NSMCE2: variants seen among roughly 807,000 people sequenced by gnomAD.
NSMCE2 encodes the protein E3 SUMO-protein ligase NSE2.
In NSMCE2, 24 loss-of-function variants were observed where a neutral mutation model predicts 23.8. That is an observed-to-expected ratio of 1.01 (90% CI 0.73 to 1.42). NSMCE2 has a LOEUF of 1.42. Ranked by LOEUF, NSMCE2 falls within the 40% of genes most tolerant of loss-of-function variation. The pLI is 0.00. For synonymous variants in NSMCE2, 92 were observed against 94.1 expected, an observed-to-expected ratio of 0.98 and a Z score of 0.13; for missense variants, 284 against 296.5, an observed-to-expected ratio of 0.96 and a Z score of 0.31.
chr8:125,170,376 C>CTTTTTTT lies in NSMCE2; in HGVS notation c.265-11694_265-11688dup. On this transcript the variant is annotated intron_variant, in intron 4 of 7. Coordinates refer to ENST00000287437, the MANE Select transcript of NSMCE2 (RefSeq NM_173685.4). ...CATCAATAAACCTTACTCTTTATTT[C>CTTTTTTT]TTTTTTTTTTTTTTTTTTTTTTTTT... is the stretch of plus-strand genomic sequence containing the variant. 3.0e-3 allele frequency among the ~76,000 whole-genome samples: 115 copies of CTTTTTTT among 37,858 alleles called. 36 individuals are homozygous for CTTTTTTT. The highest frequency in any genetic ancestry group is 3.6e-3 in the Non-Finnish European group (69 of 19,046). 24.8% of individuals were successfully genotyped at this position (37,858 alleles called of 152,430 possible).
At chr8:125,197,840 A>G (rs1823691324) in intron 5 of NSMCE2, among the ~76,000 whole-genome samples, 1 of 152,164 alleles carries the variant, frequency 6.6e-6, no homozygotes, top group Non-Finnish European at 1.5e-5. Flanking sequence ...ATGTTCTTCC[A>G]TTTGTTTTTG....
At chr8:125,146,535 G>A (rs1374496500) in intron 3 of NSMCE2, among the ~76,000 whole-genome samples, 1 of 152,096 alleles carries the variant, frequency 6.6e-6, no homozygotes, top group African/African-American at 2.4e-5. Context: ...AGAAAATGTG[G>A]CACATATACA....
At chr8:125,285,499 A>C (rs1827855396) in intron 5 of NSMCE2, among the ~76,000 whole-genome samples, 1 of 152,050 alleles carries the variant, frequency 6.6e-6, no homozygotes, top group East Asian at 1.9e-4. Flanking sequence ...ATATACCCAG[A>C]TAAGAATAGG....
intron 3 of NSMCE2, among the ~76,000 whole-genome samples, chr8:125,141,199 A>G (rs1820356687): frequency 2.6e-5 from 4 of 152,236 alleles, no homozygotes; most frequent in Admixed American, 1.3e-4. Flanking sequence ...ATATCTGTCT[A>G]TATAATCAAA....
At position 125,357,333 on chromosome 8, in the gene NSMCE2, C is replaced by A; in HGVS notation, c.519+14C>A. 6.7e-7 allele frequency: 1 copy of A among 1,501,212 alleles called. No individual in the cohort carries two copies. The highest frequency in any genetic ancestry group is 9.3e-7 in the Non-Finnish European group (1 of 1,077,672). 93.0% of individuals were successfully genotyped at this position (1,501,212 alleles called of 1,614,324 possible). ...CCCATTACAAAGGTACCGCTTCCTC[C>A]TACTTCCCCTGAAAGAAACACGATT... On this transcript the variant is annotated intron_variant, in intron 6 of 7. Coordinates refer to ENST00000287437, the MANE Select transcript of NSMCE2 (RefSeq NM_173685.4).
At chr8:125,266,074 G>A (rs1346755844) in intron 5 of NSMCE2, among the ~76,000 whole-genome samples, 1 of 150,820 alleles carries the variant, frequency 6.6e-6, no homozygotes, top group African/African-American at 2.4e-5. Flanking sequence ...TGAGCTTGCG[G>A]GGCAGGTCAA....
At chr8:125,196,438 G>A (rs959426766) in intron 5 of NSMCE2, among the ~76,000 whole-genome samples, 3 of 152,092 alleles carry the variant, frequency 2.0e-5, no homozygotes, top group African/African-American at 7.2e-5. Context: ...CCACCTGTGG[G>A]TGAGAACATG....
intron 5 of NSMCE2, among the ~76,000 whole-genome samples, chr8:125,333,387 G>T (rs1338726560): frequency 6.6e-6 from 1 of 151,416 alleles, no homozygotes; most frequent in Non-Finnish European, 1.5e-5. Context: ...GCCCAGGTTG[G>T]TCTCGAACTC....
chr8:125,286,401 C>T (rs1827902123), intron 5 of NSMCE2, among the ~76,000 whole-genome samples: 1 of 151,954 alleles, frequency 6.6e-6, no homozygotes, highest in Admixed American at 6.6e-5. Flanking sequence ...CAACCTCCGC[C>T]TCCTGGGTTC....
chr8:125,206,182 C>T (rs1824111272), intron 5 of NSMCE2, among the ~76,000 whole-genome samples: 1 of 152,042 alleles, frequency 6.6e-6, no homozygotes, highest in Non-Finnish European at 1.5e-5. Flanking sequence ...AAGCCATGAA[C>T]AGAAATAGAA....
intron 5 of NSMCE2, among the ~76,000 whole-genome samples, chr8:125,197,626 T>G (rs1400543818): frequency 1.3e-5 from 2 of 151,286 alleles, no homozygotes; most frequent in Non-Finnish European, 3.0e-5. Flanking sequence ...CGAAGTCAGG[T>G]AGCCCACAGC....
intron 3 of NSMCE2, among the ~76,000 whole-genome samples, chr8:125,134,151 A>G (rs530013751): frequency 2.4e-4 from 37 of 152,336 alleles, no homozygotes; most frequent in Admixed American, 5.2e-4. Context: ...GGTTTCTTTC[A>G]TATTTGTTAT....
chr8:125,247,444 C>A (rs1223716609), intron 5 of NSMCE2, among the ~76,000 whole-genome samples: 3 of 151,996 alleles, frequency 2.0e-5, no homozygotes, highest in African/African-American at 7.2e-5. Flanking sequence ...TAAATGTGAC[C>A]AGTTAAGATT....
chr8:125,237,677 G>A (rs1309333333), intron 5 of NSMCE2, among the ~76,000 whole-genome samples: 1 of 152,188 alleles, frequency 6.6e-6, no homozygotes, highest in Non-Finnish European at 1.5e-5. Flanking sequence ...CAGTACATCA[G>A]TGTCTTGTGA....
chr8:125,157,068 C>G (rs1821360201), intron 4 of NSMCE2, among the ~76,000 whole-genome samples: 1 of 152,130 alleles, frequency 6.6e-6, no homozygotes, highest in Non-Finnish European at 1.5e-5. Context: ...TGACCACTTA[C>G]TGACTGAATA....
chr8:125,110,598 A>G (rs1297963692), intron 3 of NSMCE2, among the ~76,000 whole-genome samples: 7 of 152,118 alleles, frequency 4.6e-5, no homozygotes, highest in Non-Finnish European at 1.5e-5. Flanking sequence ...TAAGGTCACA[A>G]AGTTAGTAAA....
Position 125,151,178 on chromosome 8 carries a change from G to A in NSMCE2, c.165G>A (p.Val55=). Residue 55 remains valine (V), a synonymous_variant, in exon 4 of 8, where the codon GTG becomes GTA. Transcript: ENST00000287437. ...AATTTTTTTTTCTTTCAGCTGAAGTGAGTAGTGAATATAGTATGGACAAGG... is the reference window on the plus strand; with the variant it reads ...AATTTTTTTTTCTTTCAGCTGAAGTAAGTAGTGAATATAGTATGGACAAGG... ...ALDLVESQTE[V]SSEYSMDKAM... 6.4e-7 allele frequency: 1 copy of A among 1,574,426 alleles called. No homozygotes were observed. Among genetic ancestry groups the A allele is most frequent in the Non-Finnish European group, 8.7e-7 (1 of 1,149,242 alleles).
At position 125,313,131 on chromosome 8, in the gene NSMCE2, A is replaced by G. The variant is rs201539148; in HGVS notation, c.419-44088A>G. On this transcript the variant is annotated intron_variant, in intron 5 of 7. Coordinates refer to ENST00000287437, the MANE Select transcript of NSMCE2 (RefSeq NM_173685.4). The stretch of plus-strand genomic sequence containing the variant: ...AAAAAAAAAGGGAAAGAAGGAAGGA[A>G]GGAAGGAGAAAGAAAGAAGGAAGGA... Among the ~76,000 whole-genome samples the G allele has an allele frequency of 4.6e-5, 7 of 150,940 alleles. No individual in the cohort carries two copies. In the East Asian group the frequency reaches 1.4e-3, roughly 29 times the overall value.
intron 1 of NSMCE2, among the ~76,000 whole-genome samples, chr8:125,099,357 G>A (rs559683664): frequency 2.6e-5 from 4 of 152,212 alleles, no homozygotes; most frequent in East Asian, 3.9e-4. Context: ...GAGAAGTAAG[G>A]GAATTGACCT....
Sources: allele counts gnomAD v4.1 joint callset (sites outside exome capture counted in the v4.1 genomes callset), GRCh38; gene constraint gnomAD v4.1.1; transcripts MANE v1.5; gene names NCBI Gene and HGNC (gene_info 2026-07-23, HGNC 2026-07-21).